The following MRPS6 variants were observed in gnomAD, a reference collection of about 807,000 sequenced individuals.
MRPS6 encodes the protein mitochondrial ribosomal protein S6.
A neutral mutation model predicts 13.1 loss-of-function variants in MRPS6; 6 were observed. The observed-to-expected ratio is 0.46, with a 90% CI of 0.25 to 0.91. The LOEUF is 0.91. Ranked by LOEUF, MRPS6 falls within the 40% of genes least tolerant of loss-of-function variation. The pLI is 0.18. For missense variants in MRPS6, 164 were observed against 155.6 expected (o/e 1.05, Z -0.29); for synonymous variants, 61 against 56.5 (o/e 1.08, Z -0.36).
chr21:34,126,790 T>A (rs942202632), intron 2 of MRPS6, among the ~76,000 whole-genome samples: 2 of 152,200 alleles, frequency 1.3e-5, no homozygotes, highest in African/African-American at 4.8e-5. Context: ...TTTCTGCCCT[T>A]TTTTCAAGTA....
intron 2 of MRPS6, among the ~76,000 whole-genome samples, chr21:34,138,662 G>T (rs865867841): frequency 7.9e-5 from 12 of 151,990 alleles, no homozygotes; most frequent in Admixed American, 7.2e-4. Context: ...AGTTAGAATG[G>T]CAATCATTAA....
At chr21:34,097,118 T>TGAGAAAGA in intron 1 of MRPS6, 1 of 1,613,766 alleles carries the variant, frequency 6.2e-7, no homozygotes, top group Non-Finnish European at 8.5e-7. Flanking sequence ...CTCTCATGGG[T>TGAGAAAGA]GAGAAAGAGA....
rs764841490 is a variant in MRPS6 at position 34,096,197 on chromosome 21, A to G, written c.45+22452A>G. The G allele has an allele frequency of 3.1e-6, 5 of 1,614,088 alleles. No homozygotes were observed. In the Admixed American group the frequency reaches 5.0e-5, roughly 16 times the overall value. The stretch of plus-strand genomic sequence containing the variant: ...CTGATGATATAGCTTGCATCAACCC[A>G]GAGCACTGCATGCTGGTGTGTGGAA... On this transcript the variant is annotated intron_variant, in intron 1 of 2. Transcript: ENST00000399312. This position sits in a 1 kb window ranked among gnomAD's most constrained non-coding sequence, Gnocchi z 5.9.
chr21:34,131,582 G>C (rs1407962693), intron 2 of MRPS6, among the ~76,000 whole-genome samples: 3 of 152,122 alleles, frequency 2.0e-5, no homozygotes, highest in Non-Finnish European at 4.4e-5. Flanking sequence ...TAGGTCTCTT[G>C]TGGACCTGTG....
chr21:34,078,637 C>T (rs1032692525), intron 1 of MRPS6, among the ~76,000 whole-genome samples: 3 of 151,976 alleles, frequency 2.0e-5, no homozygotes, highest in African/African-American at 7.3e-5. Flanking sequence ...AAAGCAATGA[C>T]GGGAAAATTC....
intron 1 of MRPS6, among the ~76,000 whole-genome samples, chr21:34,080,858 G>T (rs554870363): frequency 7.9e-5 from 12 of 152,178 alleles, no homozygotes; most frequent in Non-Finnish European, 1.6e-4. Context: ...TGTTGACCTC[G>T]TGCTAGTAGT....
intron 1 of MRPS6, among the ~76,000 whole-genome samples, chr21:34,076,276 ATTAC>A (rs1403598865): frequency 6.6e-6 from 1 of 151,972 alleles, no homozygotes; most frequent in Non-Finnish European, 1.5e-5. Context: ...CCCTGTCCTC[ATTAC>A]TTTTTTTTTG....
At chr21:34,141,104 G>C (rs1490442049) in intron 2 of MRPS6, among the ~76,000 whole-genome samples, 2 of 152,132 alleles carry the variant, frequency 1.3e-5, no homozygotes, top group East Asian at 1.9e-4. Flanking sequence ...GATCTTCCCA[G>C]CTTCCTGTGA....
intron 1 of MRPS6, among the ~76,000 whole-genome samples, chr21:34,088,044 A>T (rs1465369581): frequency 1.3e-5 from 2 of 152,212 alleles, no homozygotes; most frequent in Non-Finnish European, 2.9e-5. Flanking sequence ...CAAATTATTC[A>T]TACCCCGGAA....
intron 1 of MRPS6, chr21:34,095,031 A>G: frequency 2.5e-6 from 2 of 791,422 alleles, no homozygotes; most frequent in Non-Finnish European, 3.8e-6. Flanking sequence ...GTTTATCACA[A>G]CCACCACCAT....
chr21:34,098,374 T>G lies in MRPS6; in HGVS notation c.45+24629T>G, dbSNP rs16991196. 5.5e-3 allele frequency: 5,453 copies of G among 1,000,274 alleles called. 106 individuals are homozygous for G. In the South Asian group the frequency reaches 0.078, roughly 14 times the overall value. The allele number at this position is 1,000,274 out of a possible 1,614,324, so 62.0% of individuals were successfully genotyped here. On this transcript the variant is annotated intron_variant, in intron 1 of 2. Coordinates refer to ENST00000399312, the MANE Select transcript of MRPS6 (RefSeq NM_032476.4). ...GCCTTTGTGTGCTGGATTGCTCTAC[T>G]TGATTAGATCATGATATATCAAGGT...
chr21:34,104,915 A>G, intron 1 of MRPS6: 1 of 1,000,164 alleles, frequency 1.0e-6, no homozygotes, highest in Non-Finnish European at 1.2e-6. Flanking sequence ...TTTCATCTAT[A>G]ATTTCATGGA....
Position 34,090,082 on chromosome 21 carries a change from T to C in MRPS6, c.45+16337T>C, listed in dbSNP as rs139112992. Among the ~76,000 whole-genome samples, 909 of 152,236 alleles carry C rather than the reference T, an allele frequency of 6.0e-3. 7 individuals carry two copies. The highest frequency in any genetic ancestry group is 0.021 in the African/African-American group (867 of 41,522). On this transcript the variant is annotated intron_variant, in intron 1 of 2. Transcript: ENST00000399312. ...GCATCATGTCAGTTCTCAAAAAGTTTTGGATTTGGGAGGAGCATTTCAGAT... is the reference window on the plus strand; with the variant it reads ...GCATCATGTCAGTTCTCAAAAAGTTCTGGATTTGGGAGGAGCATTTCAGAT...
intron 1 of MRPS6, chr21:34,099,431 C>T (rs988550533): frequency 1.0e-6 from 1 of 999,998 alleles, no homozygotes; most frequent in Non-Finnish European, 1.2e-6. Flanking sequence ...TTGGGACAAC[C>T]TTTTGGTGTT....
intron 1 of MRPS6, among the ~76,000 whole-genome samples, chr21:34,094,562 CAGTA>C (rs1201106380): frequency 3.3e-5 from 5 of 152,124 alleles, no homozygotes; most frequent in Admixed American, 6.5e-5. Context: ...GAGCATACCA[CAGTA>C]AGACAAGAAA....
chr21:34,131,599 T>C (rs1343589999), intron 2 of MRPS6, among the ~76,000 whole-genome samples: 1 of 152,176 alleles, frequency 6.6e-6, no homozygotes, highest in Non-Finnish European at 1.5e-5. Context: ...TGTGCTGTCA[T>C]GAGAAAGGGA....
At chr21:34,107,696 G>A (rs771840909) in intron 1 of MRPS6, among the ~76,000 whole-genome samples, 1 of 152,076 alleles carries the variant, frequency 6.6e-6, no homozygotes, top group African/African-American at 2.4e-5. Context: ...TGAACTCCTG[G>A]ATTACTTTGT....
At chr21:34,083,431 G>A (rs1989503142) in intron 1 of MRPS6, among the ~76,000 whole-genome samples, 1 of 152,224 alleles carries the variant, frequency 6.6e-6, no homozygotes, top group Non-Finnish European at 1.5e-5. Context: ...CAGATTTAAG[G>A]TGAATTTCTG....
intron 1 of MRPS6, among the ~76,000 whole-genome samples, chr21:34,109,905 G>GA (rs903482957): frequency 1.4e-4 from 22 of 152,074 alleles, no homozygotes; most frequent in African/African-American, 4.6e-4. Context: ...CCATAAAGCT[G>GA]AAAAAAATCT....
Sources: gnomAD v4.1 joint callset for allele counts (sites outside exome capture counted in the v4.1 genomes callset) on GRCh38, gnomAD v4.1.1 for gene constraint, Gnocchi (gnomAD v3.1) non-coding constraint, MANE v1.5 for transcripts, NCBI Gene and HGNC (gene_info 2026-07-23, HGNC 2026-07-21) for gene names.